Variants in BTBD10 observed in about 807,000 individuals in gnomAD.
BTBD10 encodes BTB/POZ domain-containing protein 10.
BTBD10 carries 21 observed loss-of-function variants against 53.2 expected under a neutral mutation model. The ratio of observed to expected loss-of-function variants is 0.39; its 90% CI spans 0.28 to 0.57. BTBD10 has a LOEUF of 0.57. Among genes scored for constraint, BTBD10 ranks in the 20% least tolerant of loss-of-function variants. BTBD10 has a pLI of 0.53. For missense variants in BTBD10, 360 were observed against 594.7 expected (o/e 0.61, Z 4.10); for synonymous variants, 149 against 192.7 (o/e 0.77, Z 1.88).
In BTBD10 at chr11:13,411,202, A is replaced by G. The variant is rs545760146; in HGVS notation, c.808+2328T>C. On this transcript the variant is annotated intron_variant, in intron 6 of 8. Transcript: ENST00000278174. ...ACACTATAGACACAAAGTCAAAAAG[A>G]TACAGTCTCTGTCCTCAAGTCCAAA... Among the ~76,000 whole-genome samples the G allele has an allele frequency of 2.6e-4, 40 of 152,326 alleles. No individual in the cohort carries two copies. The South Asian group carries it at 7.2e-3, about 28-fold the overall frequency.
intron 3 of BTBD10, among the ~76,000 whole-genome samples, chr11:13,420,168 G>T (rs901900298): frequency 1.3e-5 from 2 of 152,084 alleles, no homozygotes; most frequent in African/African-American, 4.8e-5. Context: ...TACTAAAAGA[G>T]ATAACACTAT....
chr11:13,403,309 TAA>T, intron 7 of BTBD10, 31 bp from the exon 8 acceptor site: 1 of 1,210,678 alleles, frequency 8.3e-7, no homozygotes, highest in Non-Finnish European at 1.2e-6. Flanking sequence ...ATTATTGTAT[TAA>T]AATTAAAGGA....
chr11:13,417,116 A>G, intron 5 of BTBD10, 42 bp downstream of exon 5: 3 of 1,422,178 alleles, frequency 2.1e-6, no homozygotes, highest in Non-Finnish European at 2.9e-6. Flanking sequence ...ACCTCCAAGA[A>G]GGCGTCTTAT....
chr11:13,445,318 C>T, intron 1 of BTBD10, 137 bp from the exon 2 acceptor site: 2 of 402,906 alleles, frequency 5.0e-6, no homozygotes, highest in South Asian at 7.5e-5. Context: ...CATACAAATG[C>T]CACAAATCAA....
At chr11:13,389,245 TA>T in intron 8 of BTBD10, 104 bp from the exon 9 acceptor site, 1 of 928,258 alleles carries the variant, frequency 1.1e-6, no homozygotes, top group Non-Finnish European at 1.6e-6. Context: ...GAAACAAATT[TA>T]AAACAAAGAA....
chr11:13,389,018 T>G lies in BTBD10; in HGVS notation c.1241A>C (p.His414Pro). The change falls in exon 9 of 9, where the codon CAT (histidine) becomes CCT (proline). Residue 414 changes from histidine to proline, a missense_variant. Physicochemically the swap from His to Pro is moderately conservative, Grantham distance 77 (BLOSUM62 -2). Around this residue, in one of 6 missense-constraint regions of BTBD10, gnomAD observed 52 missense variants for 180.4 expected, o/e 0.29. Transcript: ENST00000278174. ...SWEKEEGKSR[H>P]VDFQCVKSKS... ...ACTCTTTACACACTGAAAGTCTACATGCCGACTCTTTCCTTCTTCCTTCTC... is the reference window on the plus strand; with the variant it reads ...ACTCTTTACACACTGAAAGTCTACAGGCCGACTCTTTCCTTCTTCCTTCTC... The G allele has an allele frequency of 6.2e-7, 1 of 1,614,052 alleles. No individual in the cohort carries two copies. The highest frequency in any genetic ancestry group is 8.5e-7 in the Non-Finnish European group (1 of 1,180,044).
At chr11:13,408,178 C>T (rs950773710) in intron 6 of BTBD10, among the ~76,000 whole-genome samples, 1 of 152,198 alleles carries the variant, frequency 6.6e-6, no homozygotes, top group African/African-American at 2.4e-5. Context: ...TGGCTTATTA[C>T]ACAGCAATAG....
At chr11:13,425,067 C>T (rs1419271848) in intron 2 of BTBD10, among the ~76,000 whole-genome samples, 1 of 151,980 alleles carries the variant, frequency 6.6e-6, no homozygotes, top group Non-Finnish European at 1.5e-5. Context: ...GAGCTGGATA[C>T]CAGTCACACA....
chr11:13,418,294 G>A (rs1368519230), intron 4 of BTBD10, among the ~76,000 whole-genome samples: 1 of 151,968 alleles, frequency 6.6e-6, no homozygotes, highest in Non-Finnish European at 1.5e-5. Context: ...ATTGAAAAAG[G>A]AGAAAAAGAA....
chr11:13,390,457 C>T (rs1949377486), intron 8 of BTBD10, among the ~76,000 whole-genome samples: 1 of 151,996 alleles, frequency 6.6e-6, no homozygotes, highest in South Asian at 2.1e-4. Flanking sequence ...GATTCTCCTG[C>T]CTCAGCCTCT....
At chr11:13,452,326 C>T (rs537498959) in intron 1 of BTBD10, among the ~76,000 whole-genome samples, 44 of 152,230 alleles carry the variant, frequency 2.9e-4, no homozygotes, top group African/African-American at 9.9e-4. Context: ...TACACAGGGA[C>T]AGCACAAAGT....
intron 1 of BTBD10, among the ~76,000 whole-genome samples, chr11:13,460,584 A>C (rs1430244671): frequency 2.0e-5 from 3 of 152,226 alleles, no homozygotes; most frequent in Non-Finnish European, 2.9e-5. Context: ...TAATATACCT[A>C]TCCTTCTTAC....
chr11:13,417,182 A>C lies in BTBD10; in HGVS notation c.663T>G (p.Gly221=). Residue 221 remains glycine (G), a synonymous_variant, in exon 5 of 9, where the codon GGT becomes GGG. Transcript: ENST00000278174. ...KGEYEVAEGI[G]STVFRAILDY... ...CCAGAATCGCTCGAAACACAGTGGA[A>C]CCAATTCCCTCTGCCACCTCATACT... 1 of 1,613,312 alleles carries C rather than the reference A, an allele frequency of 6.2e-7. No individual in the cohort carries two copies. The highest frequency in any genetic ancestry group is 8.5e-7 in the Non-Finnish European group (1 of 1,179,702).
intron 2 of BTBD10, among the ~76,000 whole-genome samples, chr11:13,432,463 A>G (rs1209899161): frequency 6.6e-6 from 1 of 152,194 alleles, no homozygotes; most frequent in East Asian, 1.9e-4. Context: ...GTAAGATGTT[A>G]TCATTGAAGG....
chr11:13,423,140 C>T (rs1245645602), intron 2 of BTBD10, among the ~76,000 whole-genome samples: 1 of 152,054 alleles, frequency 6.6e-6, no homozygotes, highest in Admixed American at 6.5e-5. Context: ...AATTAGAGTA[C>T]ACTGCAAATA....
chr11:13,414,442 T>A (rs1046450518), intron 5 of BTBD10, among the ~76,000 whole-genome samples: 9 of 152,094 alleles, frequency 5.9e-5, no homozygotes, highest in African/African-American at 2.2e-4. Flanking sequence ...TCACCTGAGG[T>A]CAGAAGTTCA....
At chr11:13,440,608 C>A (rs1230937133) in intron 2 of BTBD10, among the ~76,000 whole-genome samples, 3 of 152,168 alleles carry the variant, frequency 2.0e-5, no homozygotes, top group Non-Finnish European at 4.4e-5. Flanking sequence ...CATTTCTAAA[C>A]TGCTGCTAGG....
At chr11:13,450,875 T>C (rs947193588) in intron 1 of BTBD10, among the ~76,000 whole-genome samples, 2 of 152,196 alleles carry the variant, frequency 1.3e-5, no homozygotes, top group African/African-American at 2.4e-5. Flanking sequence ...CACTTGAAAG[T>C]GTCCAAAAGC....
chr11:13,420,644 A>C (rs568001103), intron 3 of BTBD10, among the ~76,000 whole-genome samples: 2 of 152,236 alleles, frequency 1.3e-5, no homozygotes, highest in South Asian at 4.1e-4. Context: ...TCTATGACTC[A>C]AACTACTTAG....
Sources: allele counts gnomAD v4.1 joint callset (sites outside exome capture counted in the v4.1 genomes callset), GRCh38; gene constraint gnomAD v4.1.1; regional missense constraint gnomAD v4.1.1; transcripts MANE v1.5; gene names NCBI Gene and HGNC (gene_info 2026-07-23, HGNC 2026-07-21).